CTNND2: variants seen among roughly 807,000 people sequenced by gnomAD.
CTNND2 encodes the protein catenin delta-2.
CTNND2 carries 22 observed loss-of-function variants against 144.4 expected under a neutral mutation model. That is an observed-to-expected ratio of 0.15 (90% confidence interval 0.11 to 0.22). The LOEUF (loss-of-function observed/expected upper bound fraction) is 0.22, where lower values mean the gene tolerates loss of function less well. CTNND2 is among the 10% of genes least tolerant of loss of function. The pLI is 1.00. For synonymous variants in CTNND2, 751 were observed against 695.6 expected, an observed-to-expected ratio of 1.08 and a Z score of -1.25; for missense variants, 1,353 against 1,618.8, an observed-to-expected ratio of 0.84 and a Z score of 2.82.
At chr5:11,443,418 G>A (rs1429014275) in intron 3 of CTNND2, among the ~76,000 whole-genome samples, 3 of 139,706 alleles carry the variant, frequency 2.1e-5, no homozygotes, top group Non-Finnish European at 4.7e-5. Context: ...GGGGTGTGTG[G>A]TGTGTGTGTG....
At chr5:11,667,228 C>CGT (rs542528160) in intron 2 of CTNND2, among the ~76,000 whole-genome samples, 237 of 152,160 alleles carry the variant, frequency 1.6e-3, no homozygotes, top group African/African-American at 5.5e-3. Context: ...AATAAACATA[C>CGT]GTGTGTGTGT....
chr5:10,984,436 C>T (rs1048817582), intron 20 of CTNND2, among the ~76,000 whole-genome samples: 1 of 152,090 alleles, frequency 6.6e-6, no homozygotes, highest in African/African-American at 2.4e-5. Context: ...TTTTTTAGAA[C>T]GTTTGCACTA....
At chr5:11,689,791 T>C (rs1471975248) in intron 2 of CTNND2, among the ~76,000 whole-genome samples, 1 of 152,194 alleles carries the variant, frequency 6.6e-6, no homozygotes, top group Non-Finnish European at 1.5e-5. Context: ...AAAACTAAAG[T>C]AATGAAAATG....
chr5:11,298,205 T>A (rs1749217233), intron 9 of CTNND2, among the ~76,000 whole-genome samples: 1 of 152,180 alleles, frequency 6.6e-6, no homozygotes, highest in Admixed American at 6.5e-5. Context: ...TGAGACAGGG[T>A]CTTGCTCTGT....
intron 8 of CTNND2, among the ~76,000 whole-genome samples, chr5:11,361,541 C>G (rs563952052): frequency 3.3e-4 from 51 of 152,280 alleles, no homozygotes; most frequent in Admixed American, 3.3e-4. Flanking sequence ...TTTTCTGATC[C>G]AAAAAGCAAG....
intron 15 of CTNND2, among the ~76,000 whole-genome samples, chr5:11,096,171 A>G (rs75134709): frequency 0.014 from 2,191 of 152,134 alleles, 53 homozygotes; most frequent in African/African-American, 0.05. Flanking sequence ...ATTATATTAT[A>G]TTATATTTAT....
intron 20 of CTNND2, among the ~76,000 whole-genome samples, chr5:10,982,462 G>T (rs921436351): frequency 6.6e-5 from 10 of 152,186 alleles, no homozygotes; most frequent in African/African-American, 2.4e-4. Context: ...TCCTCTAGTT[G>T]CCAGCAGCTT....
At chr5:11,802,312 A>G (rs1249784459) in intron 1 of CTNND2, among the ~76,000 whole-genome samples, 1 of 152,014 alleles carries the variant, frequency 6.6e-6, no homozygotes, top group African/African-American at 2.4e-5. Flanking sequence ...TCATGCCTGT[A>G]ATCCCAGCAC....
rs1258999742 is a variant in CTNND2 at position 11,903,721 on chromosome 5, C to G, written c.37+96G>C. ...GCAGCCGCCGCCGCCGCCTGCCGGC[C>G]GGGAGCCCAGGACCACCCCCACCAG... On this transcript the variant is annotated intron_variant, in intron 1 of 21. Coordinates refer to ENST00000304623, the MANE Select transcript of CTNND2 (RefSeq NM_001332.4). The surrounding 1 kb of genome is among the most constrained non-coding windows in gnomAD (Gnocchi z 5.4). The G allele has an allele frequency of 7.1e-6, 9 of 1,259,830 alleles. No individual in the cohort carries two copies. In the Admixed American group the frequency reaches 3.4e-4, roughly 47 times the overall value. The allele number at this position is 1,259,830 out of a possible 1,614,324, so 78.0% of individuals were successfully genotyped here.
intron 2 of CTNND2, among the ~76,000 whole-genome samples, chr5:11,683,663 C>T (rs1352048315): frequency 6.6e-6 from 1 of 152,192 alleles, no homozygotes. Flanking sequence ...TAATGCATAT[C>T]TTCTTGAACT....
intron 9 of CTNND2, among the ~76,000 whole-genome samples, chr5:11,345,895 T>C (rs770306664): frequency 6.6e-6 from 1 of 152,222 alleles, no homozygotes; most frequent in Non-Finnish European, 1.5e-5. Context: ...CTAATGTTTA[T>C]TTTCAGACAT....
intron 2 of CTNND2, among the ~76,000 whole-genome samples, chr5:11,584,199 C>T (rs976997818): frequency 6.6e-6 from 1 of 152,080 alleles, no homozygotes; most frequent in Non-Finnish European, 1.5e-5. Context: ...GAAGAAGGAA[C>T]GTGTGACTAA....
intron 1 of CTNND2, among the ~76,000 whole-genome samples, chr5:11,823,895 G>T (rs998984815): frequency 9.2e-5 from 14 of 151,988 alleles, no homozygotes; most frequent in Admixed American, 9.2e-4. Context: ...ATTACTTGAG[G>T]TCAGGAGTTT....
intron 10 of CTNND2, among the ~76,000 whole-genome samples, chr5:11,212,867 G>T (rs1423951236): frequency 6.6e-6 from 1 of 152,158 alleles, no homozygotes; most frequent in Non-Finnish European, 1.5e-5. Context: ...GACTGGAGCT[G>T]GCACTGAAAA....
At chr5:11,587,214 C>T (rs1778931503) in intron 2 of CTNND2, among the ~76,000 whole-genome samples, 1 of 152,090 alleles carries the variant, frequency 6.6e-6, no homozygotes. Context: ...TATTAAATTA[C>T]AGTCAATGTG....
intron 3 of CTNND2, among the ~76,000 whole-genome samples, chr5:11,521,595 CA>C (rs766143980): frequency 6.6e-6 from 1 of 152,304 alleles, no homozygotes; most frequent in East Asian, 1.9e-4. Context: ...CAGCATTCTT[CA>C]AAACAGTTTA....
intron 14 of CTNND2, among the ~76,000 whole-genome samples, chr5:11,102,299 T>A (rs1424746592): frequency 6.6e-6 from 1 of 152,222 alleles, no homozygotes; most frequent in Admixed American, 6.5e-5. Context: ...AAAGGATATA[T>A]CACTAGTGTA....
At chr5:11,635,965 T>C (rs1163972976) in intron 2 of CTNND2, among the ~76,000 whole-genome samples, 3 of 152,052 alleles carry the variant, frequency 2.0e-5, no homozygotes, top group Non-Finnish European at 4.4e-5. Flanking sequence ...TAATTTCCAG[T>C]CTAATAGAAA....
At chr5:11,042,590 G>C (rs1373029513) in intron 16 of CTNND2, among the ~76,000 whole-genome samples, 2 of 152,176 alleles carry the variant, frequency 1.3e-5, no homozygotes, top group East Asian at 3.8e-4. Context: ...GTCAATTTTT[G>C]TCCTGGGACT....
Sources: gnomAD v4.1 joint callset for allele counts (sites outside exome capture counted in the v4.1 genomes callset) on GRCh38, gnomAD v4.1.1 for gene constraint, Gnocchi (gnomAD v3.1) non-coding constraint, MANE v1.5 for transcripts, NCBI Gene and HGNC (gene_info 2026-07-23, HGNC 2026-07-21) for gene names.